The following RASAL2 variants were observed in gnomAD, a reference collection of about 807,000 sequenced individuals.
The protein encoded by RASAL2 is RAS protein activator like 2, also known as ras GTPase-activating protein nGAP.
A neutral mutation model predicts 128.9 loss-of-function variants in RASAL2; 58 were observed. That is an observed-to-expected ratio of 0.45 (90% confidence interval 0.36 to 0.56). The LOEUF is 0.56. Among genes scored for constraint, RASAL2 ranks in the 20% least tolerant of loss-of-function variants. The probability of loss-of-function intolerance (pLI) is 0.00; values close to 1 mark genes in which losing one functional copy is unlikely to be tolerated. For missense variants in RASAL2, 1,360 were observed against 1,601.6 expected (o/e 0.85, Z 2.57); for synonymous variants, 561 against 580.8 (o/e 0.97, Z 0.49).
At chr1:178,454,822 T>C (rs1677649004) in intron 12 of RASAL2, among the ~76,000 whole-genome samples, 174 bp downstream of exon 12, 3 of 152,172 alleles carry the variant, frequency 2.0e-5, no homozygotes, top group Admixed American at 2.0e-4. Context: ...ACCATGAAAC[T>C]CTAGAAAACC....
chr1:178,421,316 G>T (rs1332140893), intron 5 of RASAL2, among the ~76,000 whole-genome samples: 1 of 152,038 alleles, frequency 6.6e-6, no homozygotes, highest in African/African-American at 2.4e-5. Context: ...AGGATAATAT[G>T]CTTCAAAAAT....
intron 1 of RASAL2, among the ~76,000 whole-genome samples, chr1:178,277,913 A>C (rs977214362): frequency 6.6e-6 from 1 of 152,196 alleles, no homozygotes; most frequent in Admixed American, 6.5e-5. Context: ...GGCAGTAAAT[A>C]TTAATAGTGT....
chr1:178,181,546 A>C (rs1401842859), intron 1 of RASAL2, among the ~76,000 whole-genome samples: 1 of 151,946 alleles, frequency 6.6e-6, no homozygotes, highest in Admixed American at 6.6e-5. Flanking sequence ...TTTAGTAGAG[A>C]CGGGGTTTCA....
chr1:178,455,947 G>A (rs1677740508), intron 12 of RASAL2, among the ~76,000 whole-genome samples: 2 of 152,244 alleles, frequency 1.3e-5, no homozygotes. Flanking sequence ...GTTTTCCTGT[G>A]AAATGGGCCT....
chr1:178,436,703 A>C (rs1278084032), intron 5 of RASAL2, among the ~76,000 whole-genome samples: 1 of 152,036 alleles, frequency 6.6e-6, no homozygotes, highest in Non-Finnish European at 1.5e-5. Flanking sequence ...AAAGTTTCTC[A>C]AGTTAGTCCC....
intron 3 of RASAL2, among the ~76,000 whole-genome samples, chr1:178,343,230 G>T (rs1365913709): frequency 1.3e-5 from 2 of 152,258 alleles, no homozygotes; most frequent in East Asian, 3.9e-4. Context: ...AGTCTGTGTG[G>T]AATGGGCAGC....
intron 1 of RASAL2, among the ~76,000 whole-genome samples, chr1:178,148,040 C>T (rs1660789031): frequency 6.6e-6 from 1 of 152,024 alleles, no homozygotes; most frequent in Non-Finnish European, 1.5e-5. Flanking sequence ...CACTGCACTC[C>T]AGCCTGGGCA....
chr1:178,407,934 C>A (rs2102687179), intron 4 of RASAL2, among the ~76,000 whole-genome samples: 1 of 152,296 alleles, frequency 6.6e-6, no homozygotes, highest in African/African-American at 2.4e-5. Flanking sequence ...GGGAATACTC[C>A]AATTTGCAGG....
intron 1 of RASAL2, among the ~76,000 whole-genome samples, chr1:178,162,483 A>G (rs1391186162): frequency 2.4e-5 from 3 of 124,528 alleles, no homozygotes; most frequent in Non-Finnish European, 4.8e-5. Context: ...TTTATATTTT[A>G]TATAATATAT....
intron 1 of RASAL2, among the ~76,000 whole-genome samples, chr1:178,144,689 G>T (rs569319867): frequency 8.5e-5 from 13 of 152,330 alleles, no homozygotes; most frequent in African/African-American, 1.9e-4. Context: ...ACCATTGTTT[G>T]TAAATGGTTG....
In RASAL2 at chr1:178,475,954, G is replaced by A. The variant is rs764033160; in HGVS notation, c.*2715G>A. ...ATTTCTTTAGAGAATGCTGCAATCT[G>A]TATAAGTTACTCTGAAGGATTTTTT... is the stretch of plus-strand genomic sequence containing the variant. On this transcript the variant is annotated 3_prime_UTR_variant, in exon 18 of 18. Transcript: ENST00000367649. 6.6e-6 allele frequency: 1 copy of A among 152,208 alleles called. No individual in the cohort carries two copies. Among genetic ancestry groups the A allele is most frequent in the Non-Finnish European group, 1.5e-5 (1 of 68,044 alleles). The allele number at this position is 152,208 out of a possible 1,614,324, so 9.4% of individuals were successfully genotyped here.
chr1:178,288,871 G>C (rs187055251), intron 2 of RASAL2, among the ~76,000 whole-genome samples: 1 of 151,492 alleles, frequency 6.6e-6, no homozygotes, highest in Admixed American at 6.6e-5. Flanking sequence ...GGCTGGACTC[G>C]AACTCCTCAC....
At chr1:178,472,994 G>A (rs150895444) in intron 17 of RASAL2, 81 bp from the exon 18 acceptor site, 1 of 1,487,798 alleles carries the variant, frequency 6.7e-7, no homozygotes, top group Admixed American at 1.7e-5. Flanking sequence ...TTGAGAGAAA[G>A]CACTGGACTA....
Position 178,473,347 on chromosome 1 carries a change from G to C in RASAL2, c.*108G>C, listed in dbSNP as rs954359080. 7.4e-7 allele frequency: 1 copy of C among 1,353,988 alleles called. No homozygotes were observed. Among genetic ancestry groups the C allele is most frequent in the Non-Finnish European group, 1.0e-6 (1 of 980,442 alleles). The allele number at this position is 1,353,988 out of a possible 1,614,324, so 83.9% of individuals were successfully genotyped here. ...CAGAATGTTGCTACTTCACAATGGCGATGTGGTGAGAAACTCCTGAATGAA... is the reference window on the plus strand; with the variant it reads ...CAGAATGTTGCTACTTCACAATGGCCATGTGGTGAGAAACTCCTGAATGAA... On this transcript the variant is annotated 3_prime_UTR_variant, in exon 18 of 18. Transcript: ENST00000367649.
intron 1 of RASAL2, among the ~76,000 whole-genome samples, chr1:178,113,086 A>G (rs1167735557): frequency 6.6e-6 from 1 of 152,146 alleles, no homozygotes; most frequent in African/African-American, 2.4e-5. Flanking sequence ...ATGGATATCA[A>G]ATAGCACCAT....
chr1:178,285,617 G>A (rs1348969440), intron 2 of RASAL2, among the ~76,000 whole-genome samples: 2 of 152,150 alleles, frequency 1.3e-5, no homozygotes, highest in South Asian at 2.1e-4. Flanking sequence ...AACAAGTTGT[G>A]TATGTTGCTG....
chr1:178,264,637 G>C (rs1283168522), intron 1 of RASAL2, among the ~76,000 whole-genome samples: 1 of 152,170 alleles, frequency 6.6e-6, no homozygotes, highest in Admixed American at 6.5e-5. Context: ...TATAGGGCAA[G>C]GTCTGGAAGA....
intron 3 of RASAL2, among the ~76,000 whole-genome samples, chr1:178,341,119 A>G (rs1410389603): frequency 6.6e-6 from 1 of 152,218 alleles, no homozygotes; most frequent in African/African-American, 2.4e-5. Flanking sequence ...TGAAGAGTTT[A>G]TATTTAAATT....
chr1:178,331,305 G>A (rs867504344), intron 3 of RASAL2, among the ~76,000 whole-genome samples: 2 of 152,272 alleles, frequency 1.3e-5, no homozygotes, highest in Middle Eastern at 3.4e-3. Flanking sequence ...CTGAGTAGCT[G>A]GGAGCACAGG....
Sources: gnomAD v4.1 joint callset for allele counts (sites outside exome capture counted in the v4.1 genomes callset) on GRCh38, gnomAD v4.1.1 for gene constraint, MANE v1.5 for transcripts, NCBI Gene and HGNC (gene_info 2026-07-23, HGNC 2026-07-21) for gene names.